The following PPFIA2 variants were observed in gnomAD, a reference collection of about 807,000 sequenced individuals.
PPFIA2 encodes PPFI scaffold protein A2.
PPFIA2 carries 46 observed loss-of-function variants against 175.5 expected under a neutral mutation model. The ratio of observed to expected loss-of-function variants is 0.26; its 90% CI spans 0.21 to 0.34. PPFIA2 has a LOEUF of 0.34. Among genes scored for constraint, PPFIA2 ranks in the 10% least tolerant of loss-of-function variants. The probability of loss-of-function intolerance (pLI) is 1.00; values close to 1 mark genes in which losing one functional copy is unlikely to be tolerated. For missense variants in PPFIA2, 1,179 were observed against 1,506.1 expected (o/e 0.78, Z 3.60); for synonymous variants, 568 against 511.4 (o/e 1.11, Z -1.49).
intron 5 of PPFIA2, among the ~76,000 whole-genome samples, chr12:81,446,982 A>G (rs1043064284): frequency 6.6e-6 from 1 of 152,112 alleles, no homozygotes; most frequent in African/African-American, 2.4e-5. Context: ...TGCATAAATC[A>G]GTAGATAAGA....
intron 4 of PPFIA2, among the ~76,000 whole-genome samples, chr12:81,646,892 T>C (rs1259124670): frequency 7.3e-6 from 1 of 137,898 alleles, no homozygotes; most frequent in Non-Finnish European, 1.5e-5. Context: ...GGGAAGGAGA[T>C]GAAGGTGGGG....
intron 7 of PPFIA2, among the ~76,000 whole-genome samples, chr12:81,428,009 A>G (rs1010788424): frequency 6.6e-6 from 1 of 151,966 alleles, no homozygotes; most frequent in African/African-American, 2.4e-5. Context: ...GCCTCTCACC[A>G]AAGTTCAATA....
At chr12:81,736,667 A>G (rs1252856603) in intron 3 of PPFIA2, among the ~76,000 whole-genome samples, 1 of 152,052 alleles carries the variant, frequency 6.6e-6, no homozygotes, top group African/African-American at 2.4e-5. Context: ...GGAGTACACC[A>G]GAAAAAAAAT....
At position 81,460,244 on chromosome 12, in the gene PPFIA2, A is replaced by C. The variant is rs1296568450; in HGVS notation, c.304-2378T>G. Among the ~76,000 whole-genome samples, 3 of 152,022 alleles carry C rather than the reference A, an allele frequency of 2.0e-5. No homozygotes were observed. The East Asian group carries it at 5.8e-4, about 29-fold the overall frequency. On this transcript the variant is annotated intron_variant, in intron 4 of 32. Transcript: ENST00000549396. ...CATATTGCTTTCCTGATTGTGAGTA[A>C]GTTTGAGATCTGATGATTTTATAAA... is the stretch of plus-strand genomic sequence containing the variant.
intron 28 of PPFIA2, among the ~76,000 whole-genome samples, chr12:81,268,754 C>T (rs2038193782): frequency 6.6e-6 from 1 of 152,122 alleles, no homozygotes; most frequent in Non-Finnish European, 1.5e-5. Context: ...TTATTTGTGT[C>T]TTGATACACA....
intron 9 of PPFIA2, among the ~76,000 whole-genome samples, chr12:81,379,849 T>C (rs555946482): frequency 1.3e-5 from 2 of 152,316 alleles, no homozygotes; most frequent in Admixed American, 1.3e-4. Flanking sequence ...GGTGCAAAAG[T>C]AATTGCAGTT....
Position 81,718,690 on chromosome 12 carries a change from T to C in PPFIA2, c.249+35283A>G, listed in dbSNP as rs1302764995. On this transcript the variant is annotated intron_variant, in intron 3 of 32. Transcript: ENST00000549396. ...GTATGGAAAGTGACTTCCCATTTAA[T>C]ACATTTGAAGAAAATGCTGCTATAA... 3.3e-5 allele frequency among the ~76,000 whole-genome samples: 5 copies of C among 151,796 alleles called. No homozygotes were observed. In the South Asian group the frequency reaches 6.2e-4, roughly 19 times the overall value.
At chr12:81,753,617 C>T (rs1351012997) in intron 3 of PPFIA2, among the ~76,000 whole-genome samples, 1 of 151,352 alleles carries the variant, frequency 6.6e-6, no homozygotes, top group Non-Finnish European at 1.5e-5. Flanking sequence ...TACATATTTC[C>T]AAATGTCAAT....
At chr12:81,510,839 A>G (rs1027421168) in intron 4 of PPFIA2, among the ~76,000 whole-genome samples, 1 of 152,158 alleles carries the variant, frequency 6.6e-6, no homozygotes, top group Non-Finnish European at 1.5e-5. Flanking sequence ...ACAAGCATAA[A>G]AATAAGGCCA....
chr12:81,512,185 A>G (rs947126526), intron 4 of PPFIA2: 1 of 498,864 alleles, frequency 2.0e-6, no homozygotes, highest in Admixed American at 3.1e-5. Flanking sequence ...TTTAATACTT[A>G]GCAGATGCTG....
At chr12:81,734,942 G>T (rs919454144) in intron 3 of PPFIA2, among the ~76,000 whole-genome samples, 1 of 151,640 alleles carries the variant, frequency 6.6e-6, no homozygotes, top group African/African-American at 2.4e-5. Flanking sequence ...TTTATGATGG[G>T]CTTCCTTCAT....
At chr12:81,260,770 G>C (rs2035189799) in intron 32 of PPFIA2, 1 of 152,122 alleles carries the variant, frequency 6.6e-6, no homozygotes, top group Non-Finnish European at 1.5e-5. Flanking sequence ...TTGTTCCTCT[G>C]TCTATAACTG....
At chr12:81,392,480 C>T (rs926413099) in intron 8 of PPFIA2, among the ~76,000 whole-genome samples, 4 of 151,800 alleles carry the variant, frequency 2.6e-5, no homozygotes, top group African/African-American at 7.3e-5. Flanking sequence ...ATGAGATCAC[C>T]TGTGGAGTGA....
chr12:81,472,537 GA>G (rs1470105195), intron 4 of PPFIA2: 1 of 152,130 alleles, frequency 6.6e-6, no homozygotes, highest in Non-Finnish European at 1.5e-5. Context: ...ACCACTCAAG[GA>G]AATTTAAAAC....
At chr12:81,437,593 G>A (rs2049317125) in intron 7 of PPFIA2, among the ~76,000 whole-genome samples, 1 of 151,978 alleles carries the variant, frequency 6.6e-6, no homozygotes, top group Non-Finnish European at 1.5e-5. Context: ...CTTTGTTTAT[G>A]ACAAACAGAA....
chr12:81,533,777 A>G (rs1463657258), intron 4 of PPFIA2, among the ~76,000 whole-genome samples: 1 of 151,138 alleles, frequency 6.6e-6, no homozygotes, highest in Non-Finnish European at 1.5e-5. Flanking sequence ...ACATTTGTGT[A>G]TATACAAATG....
At chr12:81,596,845 CACT>C (rs1410989173) in intron 4 of PPFIA2, among the ~76,000 whole-genome samples, 1 of 152,024 alleles carries the variant, frequency 6.6e-6, no homozygotes, top group Admixed American at 6.6e-5. Flanking sequence ...CACAGACTTG[CACT>C]ATCAGTAGAC....
chr12:81,710,948 T>G lies in PPFIA2; in HGVS notation c.250-34104A>C, dbSNP rs114724205. ...GGTTTTGCTACTTAGAAGTAAAATC[T>G]TTGGTCAAGCACAGTGCCTCACACC... On this transcript the variant is annotated intron_variant, in intron 3 of 32. Transcript: ENST00000549396. Among the ~76,000 whole-genome samples, 944 of 151,522 alleles carry G rather than the reference T, an allele frequency of 6.2e-3. 16 individuals are homozygous for G. The highest frequency in any genetic ancestry group is 0.022 in the African/African-American group (897 of 41,534).
chr12:81,517,572 GCTAT>G, intron 4 of PPFIA2, among the ~76,000 whole-genome samples: 1 of 152,224 alleles, frequency 6.6e-6, no homozygotes, highest in East Asian at 1.9e-4. Context: ...CTGAAATACG[GCTAT>G]CTGAGAAAGG....
Sources: allele counts gnomAD v4.1 joint callset (sites outside exome capture counted in the v4.1 genomes callset), GRCh38; gene constraint gnomAD v4.1.1; transcripts MANE v1.5; gene names NCBI Gene and HGNC (gene_info 2026-07-23, HGNC 2026-07-21).